Variants in MAP3K20 observed in about 807,000 individuals in gnomAD.
The protein encoded by MAP3K20 is mitogen-activated protein kinase kinase kinase 20, also known as HCCS-4.
Under a neutral mutation model 85.7 loss-of-function variants are expected in MAP3K20, and 40 were observed. The observed-to-expected ratio is 0.47, with a 90% CI of 0.36 to 0.61. The LOEUF (loss-of-function observed/expected upper bound fraction) is 0.61. MAP3K20 is among the 20% of genes least tolerant of loss of function. The pLI, the probability that MAP3K20 is intolerant of heterozygous loss-of-function variation, is 0.00. For missense variants in MAP3K20, 817 were observed against 961.7 expected, an observed-to-expected ratio of 0.85 and a Z score of 1.99; for synonymous variants, 325 against 327.7, an observed-to-expected ratio of 0.99 and a Z score of 0.09.
intron 16 of MAP3K20, among the ~76,000 whole-genome samples, chr2:173,258,419 C>T (rs1260629757): frequency 6.6e-6 from 1 of 152,128 alleles, no homozygotes; most frequent in Non-Finnish European, 1.5e-5. Flanking sequence ...CCTGGTTTTA[C>T]TCCTTTTTAT....
chr2:173,249,823 A>T (rs535639828), intron 16 of MAP3K20, among the ~76,000 whole-genome samples: 1 of 152,346 alleles, frequency 6.6e-6, no homozygotes, highest in South Asian at 2.1e-4. Context: ...AAACATGTCA[A>T]CTAACATCTG....
At chr2:173,101,255 A>C (rs1357199699) in intron 2 of MAP3K20, among the ~76,000 whole-genome samples, 1 of 152,180 alleles carries the variant, frequency 6.6e-6, no homozygotes, top group Non-Finnish European at 1.5e-5. Flanking sequence ...AAAATGTTTT[A>C]TTTGCAAGCC....
At chr2:173,203,549 G>C (rs1275405805) in intron 8 of MAP3K20, among the ~76,000 whole-genome samples, 1 of 152,044 alleles carries the variant, frequency 6.6e-6, no homozygotes, top group African/African-American at 2.4e-5. Flanking sequence ...ATGTTTTGTT[G>C]CATTAGTTGT....
Position 173,229,686 on chromosome 2 carries a change from C to T in MAP3K20, c.988-3C>T, listed in dbSNP as rs371110590. On this transcript the variant is annotated splice_region_variant and splice_polypyrimidine_tract_variant and intron_variant, in intron 11 of 19. Coordinates refer to ENST00000375213, the MANE Select transcript of MAP3K20 (RefSeq NM_016653.3). Reference sequence around the variant, plus strand: ...TTTCATTTCATGCATATTTCCCATGCAGCTGCTGCCTTCCTTTGAGATTGG... The same window carrying T: ...TTTCATTTCATGCATATTTCCCATGTAGCTGCTGCCTTCCTTTGAGATTGG... 39 of 1,613,838 alleles carry T rather than the reference C, an allele frequency of 2.4e-5. No individual in the cohort carries two copies. Among genetic ancestry groups the T allele is most frequent in the Non-Finnish European group, 3.2e-5 (38 of 1,179,988 alleles).
At chr2:173,141,341 C>G (rs1688966870) in intron 2 of MAP3K20, among the ~76,000 whole-genome samples, 1 of 151,904 alleles carries the variant, frequency 6.6e-6, no homozygotes, top group South Asian at 2.1e-4. Flanking sequence ...TTAAAGGAAA[C>G]CATGGTTAGA....
intron 2 of MAP3K20, among the ~76,000 whole-genome samples, chr2:173,131,192 A>AG (rs1200049013): frequency 1.3e-5 from 2 of 152,218 alleles, no homozygotes; most frequent in African/African-American, 4.8e-5. Flanking sequence ...TTTACCCACT[A>AG]GAGGGGATAG....
At chr2:173,175,501 G>A (rs1008389383) in intron 3 of MAP3K20, among the ~76,000 whole-genome samples, 2 of 152,158 alleles carry the variant, frequency 1.3e-5, no homozygotes, top group African/African-American at 4.8e-5. Context: ...AAAGTTAGCA[G>A]TGTTTCTTAT....
chr2:173,154,018 G>A (rs561140943), intron 2 of MAP3K20, among the ~76,000 whole-genome samples: 33 of 151,948 alleles, frequency 2.2e-4, no homozygotes, highest in South Asian at 1.7e-3. Flanking sequence ...CACTCCCACC[G>A]AAATTTGACA....
intron 1 of MAP3K20, among the ~76,000 whole-genome samples, chr2:173,080,489 A>G (rs1232765105): frequency 6.6e-6 from 1 of 152,182 alleles, no homozygotes; most frequent in Non-Finnish European, 1.5e-5. Flanking sequence ...CCCATTGTGG[A>G]AGGGTGGAAG....
intron 2 of MAP3K20, 64 bp downstream of exon 2, chr2:173,091,254 G>A (rs904573149): frequency 1.1e-5 from 17 of 1,543,268 alleles, no homozygotes; most frequent in South Asian, 1.1e-4. Flanking sequence ...TTTCAACCTC[G>A]AGTTAGAGGG....
chr2:173,226,860 G>GT (rs1331665452), intron 11 of MAP3K20: 4 of 984,378 alleles, frequency 4.1e-6, no homozygotes, highest in African/African-American at 1.8e-5. Flanking sequence ...TCACTTTATT[G>GT]TTTTTTTAAC....
intron 11 of MAP3K20, chr2:173,223,455 T>C: frequency 8.1e-6 from 8 of 985,392 alleles, no homozygotes; most frequent in Non-Finnish European, 9.6e-6. Flanking sequence ...CTACTATGAA[T>C]GGTGCCAGTG....
intron 2 of MAP3K20, among the ~76,000 whole-genome samples, chr2:173,103,007 C>T (rs559706835): frequency 3.3e-5 from 5 of 151,742 alleles, no homozygotes; most frequent in East Asian, 1.9e-4. Context: ...GAGCCGAGAT[C>T]GCACCATTGC....
intron 2 of MAP3K20, among the ~76,000 whole-genome samples, chr2:173,164,579 AAAC>A (rs770472107): frequency 1.3e-5 from 2 of 152,188 alleles, no homozygotes; most frequent in African/African-American, 2.4e-5. Flanking sequence ...GATGTTTGCA[AAAC>A]AAGCTTTAAA....
At chr2:173,254,749 A>G (rs1430686309) in intron 16 of MAP3K20, among the ~76,000 whole-genome samples, 1 of 152,220 alleles carries the variant, frequency 6.6e-6, no homozygotes, top group African/African-American at 2.4e-5. Flanking sequence ...GACTCACAAG[A>G]TGGCAAAAAC....
intron 1 of MAP3K20, among the ~76,000 whole-genome samples, chr2:173,076,208 A>AGCGT (rs1008726098): frequency 1.3e-5 from 2 of 151,328 alleles, no homozygotes; most frequent in African/African-American, 4.8e-5. Context: ...CGAGCGAGCG[A>AGCGT]GCGTTCGCGG....
intron 16 of MAP3K20, among the ~76,000 whole-genome samples, chr2:173,255,345 T>A (rs1472693603): frequency 6.6e-6 from 1 of 152,210 alleles, no homozygotes; most frequent in Non-Finnish European, 1.5e-5. Context: ...CTCTCCCGCT[T>A]GTCTGTCCCC....
chr2:173,095,734 A>G (rs557807277), intron 2 of MAP3K20, among the ~76,000 whole-genome samples: 3 of 152,316 alleles, frequency 2.0e-5, no homozygotes, highest in African/African-American at 7.2e-5. Context: ...CGTTGCAGCT[A>G]TATAATTGAT....
chr2:173,205,631 G>A (rs1683659786), intron 9 of MAP3K20, among the ~76,000 whole-genome samples: 1 of 152,140 alleles, frequency 6.6e-6, no homozygotes, highest in African/African-American at 2.4e-5. Context: ...GGTTCTCCCA[G>A]CAACAAACTG....
Sources: gnomAD v4.1 joint callset for allele counts (sites outside exome capture counted in the v4.1 genomes callset) on GRCh38, gnomAD v4.1.1 for gene constraint, MANE v1.5 for transcripts, NCBI Gene and HGNC (gene_info 2026-07-23, HGNC 2026-07-21) for gene names.